NOS1: variants seen among roughly 807,000 people sequenced by gnomAD.
The protein encoded by NOS1 is nitric oxide synthase 1, also known as NOS type I.
In NOS1, 51 loss-of-function variants were observed where a neutral mutation model predicts 164.5. The ratio of observed to expected loss-of-function variants is 0.31; its 90% CI spans 0.25 to 0.39. NOS1 has a LOEUF of 0.39. Ranked by LOEUF, NOS1 falls within the 10% of genes least tolerant of loss-of-function variation. NOS1 has a pLI of 1.00. For missense variants in NOS1, 1,362 were observed against 1,885.6 expected (o/e 0.72, Z 5.14); for synonymous variants, 719 against 745.8 (o/e 0.96, Z 0.59).
chr12:117,281,744 C>T (rs112303779), intron 7 of NOS1, among the ~76,000 whole-genome samples: 4 of 150,040 alleles, frequency 2.7e-5, no homozygotes, highest in African/African-American at 9.8e-5. Flanking sequence ...TGAGGAGAAT[C>T]GCTTGAACTC....
rs1190019523 is a variant in NOS1 at position 117,280,845 on chromosome 12, G to A, written c.1404C>T (p.Pro468=). ...AGTCGTGCTTGCCGTCTGTCCTCTG[G>A]GGGAATATGGTGATGGCAGACCTGT... is the stretch of plus-strand genomic sequence containing the variant. ...GNLRSAITIF[P]QRTDGKHDFR... is the part of the protein sequence containing the mutation. Residue 468 remains proline, a synonymous_variant, in exon 8 of 29, where the codon CCC becomes CCT. Coordinates refer to ENST00000317775, the MANE Select transcript of NOS1 (RefSeq NM_000620.5). 1.2e-6 allele frequency: 2 copies of A among 1,614,100 alleles called. No individual in the cohort carries two copies. Among genetic ancestry groups the A allele is most frequent in the Non-Finnish European group, 1.7e-6 (2 of 1,180,012 alleles).
At chr12:117,237,893 G>A (rs867681146) in intron 20 of NOS1, among the ~76,000 whole-genome samples, 2 of 152,116 alleles carry the variant, frequency 1.3e-5, no homozygotes, top group East Asian at 3.9e-4. Flanking sequence ...TGATGTGGAC[G>A]AGTGGGTGGT....
At chr12:117,352,012 C>T (rs1305603175) in intron 1 of NOS1, among the ~76,000 whole-genome samples, 1 of 152,008 alleles carries the variant, frequency 6.6e-6, no homozygotes, top group African/African-American at 2.4e-5. Context: ...GAGACCCCGT[C>T]GCTACAAAAA....
chr12:117,357,847 A>G (rs1409879934), intron 1 of NOS1, among the ~76,000 whole-genome samples: 2 of 152,212 alleles, frequency 1.3e-5, no homozygotes, highest in African/African-American at 4.8e-5. Context: ...GAAAATGGTC[A>G]TGTCTGTAAC....
At chr12:117,298,671 C>T (rs1187493459) in intron 3 of NOS1, among the ~76,000 whole-genome samples, 1 of 152,172 alleles carries the variant, frequency 6.6e-6, no homozygotes, top group Admixed American at 6.5e-5. Context: ...GATGTGCTCA[C>T]AGGGAGAGCG....
At chr12:117,361,212 G>A (rs1681072028) in intron 1 of NOS1, among the ~76,000 whole-genome samples, 1 of 151,508 alleles carries the variant, frequency 6.6e-6, no homozygotes, top group African/African-American at 2.4e-5. Context: ...TTCCTCCCGG[G>A]CGCCCGCGGC....
chr12:117,256,558 A>G (rs1156983643), intron 16 of NOS1, among the ~76,000 whole-genome samples: 2 of 151,506 alleles, frequency 1.3e-5, no homozygotes, highest in Non-Finnish European at 2.9e-5. Flanking sequence ...GATTACAGGC[A>G]TGAGCCACTG....
rs534893676 is a variant in NOS1, at chr12:117,294,464, C to A, written c.853-4038G>T. On this transcript the variant is annotated intron_variant, in intron 3 of 28. Transcript: ENST00000317775. The stretch of plus-strand genomic sequence containing the variant: ...AGTGCGAGCCGTGCCACCCTCCGCC[C>A]TGGGTTTCACTGGATTGCACACTTG... 1.8e-4 allele frequency among the ~76,000 whole-genome samples: 28 copies of A among 152,284 alleles called. No homozygotes were observed. In the East Asian group the frequency reaches 5.2e-3, roughly 28 times the overall value.
At chr12:117,359,401 C>T (rs1877012418) in intron 1 of NOS1, among the ~76,000 whole-genome samples, 2 of 152,350 alleles carry the variant, frequency 1.3e-5, no homozygotes, top group African/African-American at 4.8e-5. Context: ...CTCCAGAGAG[C>T]TGCGTCAGTG....
At chr12:117,284,662 G>A (rs955136468) in intron 7 of NOS1, among the ~76,000 whole-genome samples, 1 of 152,314 alleles carries the variant, frequency 6.6e-6, no homozygotes. Context: ...ATACTGAACT[G>A]TGGGTTGAAC....
chr12:117,331,085 AG>A lies in NOS1; in HGVS notation c.-17del. The A allele has an allele frequency of 6.3e-7, 1 of 1,597,782 alleles. No homozygotes were observed. Among genetic ancestry groups the A allele is most frequent in the Non-Finnish European group, 8.5e-7 (1 of 1,170,962 alleles). ...GATCCTCCATGGTAACTAGCTTCCG[AG>A]GGGTCCTGTCTGAAGACCTCACAAT... On this transcript the variant is annotated 5_prime_UTR_variant, in exon 2 of 29. Transcript: ENST00000317775.
chr12:117,273,235 G>C (rs1434900226), intron 9 of NOS1, among the ~76,000 whole-genome samples: 1 of 152,176 alleles, frequency 6.6e-6, no homozygotes, highest in Non-Finnish European at 1.5e-5. Flanking sequence ...GAGATCATAA[G>C]CACCGTGGGG....
At chr12:117,348,802 G>A (rs1193837105) in intron 1 of NOS1, among the ~76,000 whole-genome samples, 1 of 152,202 alleles carries the variant, frequency 6.6e-6, no homozygotes, top group Non-Finnish European at 1.5e-5. Context: ...GACAAGGAAA[G>A]ACTGACAAAC....
rs1161874309 is a variant in NOS1, at chr12:117,280,782, G to A, written c.1467C>T (p.Gly489=). The A allele has an allele frequency of 6.2e-7, 1 of 1,614,088 alleles. No individual in the cohort carries two copies. The highest frequency in any genetic ancestry group is 2.2e-5 in the East Asian group (1 of 44,878). Residue 489 remains glycine (G), a synonymous_variant, in exon 8 of 29, where the codon GGC becomes GGT. Coordinates refer to ENST00000317775, the MANE Select transcript of NOS1 (RefSeq NM_000620.5). ...VWNSQLIRYA[G]YKQPDGSTLG... ...GGGTGGAGCCGTCAGGCTGCTTGTAGCCAGCGTAGCGGATGAGCTGGGAGT... is the reference window on the plus strand; with the variant it reads ...GGGTGGAGCCGTCAGGCTGCTTGTAACCAGCGTAGCGGATGAGCTGGGAGT...
chr12:117,322,798 C>T (rs903092474), intron 2 of NOS1, among the ~76,000 whole-genome samples: 2 of 145,668 alleles, frequency 1.4e-5, no homozygotes, highest in African/African-American at 5.1e-5. Context: ...TCCTTCCTTC[C>T]CTCCTTCCCT....
intron 17 of NOS1, among the ~76,000 whole-genome samples, chr12:117,252,809 G>A (rs1566040681): frequency 2.0e-5 from 3 of 152,160 alleles, no homozygotes; most frequent in Admixed American, 6.5e-5. Context: ...CATCTACTAC[G>A]CATTGCTCTG....
At chr12:117,230,958 G>T (rs1869155487) in intron 22 of NOS1, among the ~76,000 whole-genome samples, 1 of 152,190 alleles carries the variant, frequency 6.6e-6, no homozygotes, top group African/African-American at 2.4e-5. Context: ...GCTACAAGAT[G>T]CAGGGAAGGG....
At chr12:117,232,177 A>T in intron 21 of NOS1, 46 bp from the exon 22 acceptor site, 4 of 1,595,590 alleles carry the variant, frequency 2.5e-6, no homozygotes, top group Non-Finnish European at 3.4e-6. Context: ...GGAGGGCTTG[A>T]GTCCAAGTCG....
intron 1 of NOS1, among the ~76,000 whole-genome samples, chr12:117,349,315 G>A (rs1876506521): frequency 6.6e-6 from 1 of 152,232 alleles, no homozygotes; most frequent in South Asian, 2.1e-4. Context: ...TTTAGTGGCT[G>A]AGTAATATTC....
Sources: gnomAD v4.1 joint callset for allele counts (sites outside exome capture counted in the v4.1 genomes callset) on GRCh38, gnomAD v4.1.1 for gene constraint, MANE v1.5 for transcripts, NCBI Gene and HGNC (gene_info 2026-07-23, HGNC 2026-07-21) for gene names.